Variants in PRELID2 observed in about 807,000 individuals in gnomAD.
PRELID2 encodes the protein PRELI domain-containing protein 2.
In PRELID2, 25 loss-of-function variants were observed where a neutral mutation model predicts 28.4. The ratio of observed to expected loss-of-function variants is 0.88; its 90% CI spans 0.64 to 1.23. The LOEUF is 1.23. PRELID2 is among the 50% of genes most tolerant of loss of function. The pLI is 0.00. For synonymous variants in PRELID2, 76 were observed against 71.6 expected (o/e 1.06, Z -0.31); for missense variants, 201 against 214.4 (o/e 0.94, Z 0.39).
chr5:145,347,935 C>T, the PRELID2 span, among the ~76,000 whole-genome samples: 465 of 152,060 alleles, frequency 3.1e-3, 1 homozygote, highest in African/African-American at 0.011. Flanking sequence ...GACGCTTTAC[C>T]ATTTTGATTC....
chr5:145,342,355 A>G, the PRELID2 span, among the ~76,000 whole-genome samples: 1 of 152,180 alleles, frequency 6.6e-6, no homozygotes, highest in Non-Finnish European at 1.5e-5. Flanking sequence ...GGAAGAAGAG[A>G]AAGGATTCAA....
intron 5 of PRELID2, among the ~76,000 whole-genome samples, chr5:145,770,885 T>G (rs558879229): frequency 2.5e-4 from 38 of 152,320 alleles, no homozygotes; most frequent in African/African-American, 8.4e-4. Flanking sequence ...ATTCACAATT[T>G]TATAGAGTAA....
the PRELID2 span, among the ~76,000 whole-genome samples, chr5:145,431,822 G>T: frequency 6.6e-6 from 1 of 152,138 alleles, no homozygotes; most frequent in African/African-American, 2.4e-5. Context: ...TTTGCAAAAG[G>T]ATAATGATGT....
At chr5:145,612,674 T>C (rs1371645030) in intron 1 of PRELID2, among the ~76,000 whole-genome samples, 1 of 152,196 alleles carries the variant, frequency 6.6e-6, no homozygotes, top group Non-Finnish European at 1.5e-5. Context: ...TGTATCCTCA[T>C]AGCTTAGCTC....
intron 1 of PRELID2, among the ~76,000 whole-genome samples, chr5:145,509,236 A>G (rs1361277198): frequency 6.6e-6 from 1 of 152,214 alleles, no homozygotes; most frequent in African/African-American, 2.4e-5. Flanking sequence ...TATGCTAAGC[A>G]TGCTACATAC....
chr5:145,314,094 G>A, the PRELID2 span, among the ~76,000 whole-genome samples: 12 of 152,140 alleles, frequency 7.9e-5, no homozygotes, highest in African/African-American at 2.4e-4. Flanking sequence ...TATAGTCAGG[G>A]AAACATTTGA....
chr5:145,815,179 C>T (rs1457551381), intron 4 of PRELID2, among the ~76,000 whole-genome samples: 1 of 152,114 alleles, frequency 6.6e-6, no homozygotes, highest in Admixed American at 6.5e-5. Context: ...CCATGTGAGG[C>T]AATGATGAGG....
the PRELID2 span, among the ~76,000 whole-genome samples, chr5:145,244,836 T>G: frequency 6.6e-6 from 1 of 152,050 alleles, no homozygotes; most frequent in African/African-American, 2.4e-5. Flanking sequence ...TGCAAAAAAA[T>G]TTTGCCTATC....
chr5:145,788,701 A>G (rs886161244), intron 5 of PRELID2, among the ~76,000 whole-genome samples: 4 of 152,208 alleles, frequency 2.6e-5, no homozygotes, highest in Non-Finnish European at 5.9e-5. Context: ...GCACCCATGT[A>G]GAAAAGAAAG....
chr5:145,628,857 C>T (rs1753893111), intron 1 of PRELID2, among the ~76,000 whole-genome samples: 1 of 152,102 alleles, frequency 6.6e-6, no homozygotes, highest in Non-Finnish European at 1.5e-5. Flanking sequence ...CACCACAGCC[C>T]ACGTGGAAAA....
At chr5:145,282,263 A>G in the PRELID2 span, among the ~76,000 whole-genome samples, 5 of 152,194 alleles carry the variant, frequency 3.3e-5, no homozygotes, top group Non-Finnish European at 5.9e-5. Flanking sequence ...TATAGAGTAA[A>G]TGTTCAAAAT....
Position 145,527,870 on chromosome 5 carries a change from C to T in PRELID2, n.71-54555G>A, listed in dbSNP as rs112804658. Among the ~76,000 whole-genome samples, 2 of 152,204 alleles carry T rather than the reference C, an allele frequency of 1.3e-5. 1 individual carries two copies. The highest frequency in any genetic ancestry group is 4.8e-5 in the African/African-American group (2 of 41,564). ...AGTGACTAGAACAAAATAAGCACCC[C>T]GAAAGTGTTAACTTTATTATCTATA... is the stretch of plus-strand genomic sequence containing the variant. On this transcript the variant is annotated intron_variant and non_coding_transcript_variant, in intron 1 of 2. Coordinates refer to the PRELID2 transcript ENST00000510259.
At chr5:145,487,916 A>C (rs1752232251) in intron 1 of PRELID2, among the ~76,000 whole-genome samples, 1 of 151,858 alleles carries the variant, frequency 6.6e-6, no homozygotes, top group African/African-American at 2.4e-5. Flanking sequence ...TGAGGTCAGG[A>C]GATCGAGACC....
chr5:145,321,268 A>T, the PRELID2 span, among the ~76,000 whole-genome samples: 1 of 152,204 alleles, frequency 6.6e-6, no homozygotes, highest in African/African-American at 2.4e-5. Context: ...AAAGTTACTA[A>T]GGAGGAAGTT....
intron 1 of PRELID2, among the ~76,000 whole-genome samples, chr5:145,700,115 T>C (rs903207970): frequency 6.6e-6 from 1 of 152,132 alleles, no homozygotes. Context: ...TGATGTAACC[T>C]CTGCAAGCCT....
chr5:145,436,228 C>T, the PRELID2 span, among the ~76,000 whole-genome samples: 2 of 152,040 alleles, frequency 1.3e-5, no homozygotes, highest in Admixed American at 6.6e-5. Context: ...GGATAATGGC[C>T]TCCAGCTCCA....
chr5:145,629,037 G>C (rs185536996), intron 1 of PRELID2, among the ~76,000 whole-genome samples: 1 of 152,192 alleles, frequency 6.6e-6, no homozygotes, highest in Non-Finnish European at 1.5e-5. Flanking sequence ...CCTGGTCCCA[G>C]AAGAGTAAAA....
At chr5:145,526,131 A>G (rs1296262294) in intron 1 of PRELID2, among the ~76,000 whole-genome samples, 1 of 152,216 alleles carries the variant, frequency 6.6e-6, no homozygotes, top group East Asian at 1.9e-4. Flanking sequence ...TGTGCCAGCC[A>G]TGATGCTTTT....
chr5:145,425,300 G>T, the PRELID2 span, among the ~76,000 whole-genome samples: 1 of 152,186 alleles, frequency 6.6e-6, no homozygotes, highest in Non-Finnish European at 1.5e-5. Context: ...CTTTTACACT[G>T]TTGGTGGAAG....
Sources: allele counts gnomAD v4.1 joint callset (sites outside exome capture counted in the v4.1 genomes callset), GRCh38; gene constraint gnomAD v4.1.1; transcripts MANE v1.5; gene names NCBI Gene and HGNC (gene_info 2026-07-23, HGNC 2026-07-21).